NRG3: variants seen among roughly 807,000 people sequenced by gnomAD.
NRG3 encodes pro-neuregulin-3, membrane-bound isoform.
NRG3 carries 31 observed loss-of-function variants against 66.9 expected under a neutral mutation model. That is an observed-to-expected ratio of 0.46 (90% confidence interval 0.35 to 0.63). NRG3 has a LOEUF of 0.63. Among genes scored for constraint, NRG3 ranks in the 20% least tolerant of loss-of-function variants. NRG3 has a pLI of 0.00. For missense variants in NRG3, 910 were observed against 878.9 expected, an observed-to-expected ratio of 1.04 and a Z score of -0.45; for synonymous variants, 393 against 359.4, an observed-to-expected ratio of 1.09 and a Z score of -1.06.
At chr10:82,749,349 G>T (rs2058767568) in intron 3 of NRG3, among the ~76,000 whole-genome samples, 1 of 152,064 alleles carries the variant, frequency 6.6e-6, no homozygotes, top group Non-Finnish European at 1.5e-5. Flanking sequence ...TGAGGTTGGT[G>T]TAAGACAGGT....
At chr10:82,922,140 A>G (rs1474702903) in intron 4 of NRG3, among the ~76,000 whole-genome samples, 1 of 151,956 alleles carries the variant, frequency 6.6e-6, no homozygotes, top group Non-Finnish European at 1.5e-5. Flanking sequence ...GGGGAAGAGA[A>G]CCGGAAGAGG....
chr10:82,841,659 C>A (rs2063061948), intron 3 of NRG3, among the ~76,000 whole-genome samples: 1 of 152,088 alleles, frequency 6.6e-6, no homozygotes, highest in Admixed American at 6.6e-5. Context: ...TAGGATGAGG[C>A]CCTCACAAAC....
rs750212569 is a variant in NRG3, at chr10:81,876,119, C to T, written c.779C>T (p.Ser260Phe). Residue 260 changes from serine (S) to phenylalanine (F), a missense_variant, in exon 1 of 9, where the codon TCC (serine) becomes TTC (phenylalanine). Coordinates refer to ENST00000372141, the MANE Select transcript of NRG3 (RefSeq NM_001010848.4). Reference protein sequence around the residue: ...AASSSSSSSSSATTTTPETST... With the variant: ...AASSSSSSSSFATTTTPETST... ...TCCTCTTCTTCCTCTTCTTCCTCCT[C>T]CGCTACCACCACCACACCAGAAACT... The T allele has an allele frequency of 7.5e-6, 12 of 1,607,136 alleles. No individual in the cohort carries two copies. In the South Asian group the frequency reaches 8.9e-5, roughly 12 times the overall value.
intron 2 of NRG3, among the ~76,000 whole-genome samples, chr10:82,459,658 C>T (rs890114557): frequency 6.6e-6 from 1 of 152,152 alleles, no homozygotes; most frequent in Non-Finnish European, 1.5e-5. Context: ...GTGCTCCTCC[C>T]GTCTGAGCCC....
intron 1 of NRG3, among the ~76,000 whole-genome samples, chr10:81,939,048 T>A (rs964389965): frequency 1.3e-5 from 2 of 152,070 alleles, no homozygotes; most frequent in African/African-American, 4.8e-5. Flanking sequence ...TTTACTAATG[T>A]AGCATATCCC....
chr10:82,122,832 A>G (rs1490883807), intron 1 of NRG3, among the ~76,000 whole-genome samples: 3 of 152,054 alleles, frequency 2.0e-5, no homozygotes, highest in African/African-American at 7.2e-5. Flanking sequence ...GATACAAGCT[A>G]ATATTTCTGG....
chr10:82,204,491 T>C (rs2075015892), intron 1 of NRG3, among the ~76,000 whole-genome samples: 1 of 152,162 alleles, frequency 6.6e-6, no homozygotes, highest in Non-Finnish European at 1.5e-5. Context: ...TTAGCTGCAG[T>C]GTTTATTTCT....
At chr10:82,569,256 C>A (rs778703134) in intron 2 of NRG3, among the ~76,000 whole-genome samples, 4 of 151,626 alleles carry the variant, frequency 2.6e-5, no homozygotes, top group Non-Finnish European at 4.4e-5. Flanking sequence ...GTGGTGGCAT[C>A]AGCCTAATGT....
chr10:82,933,292 G>A (rs146230920), intron 4 of NRG3, among the ~76,000 whole-genome samples: 1 of 152,094 alleles, frequency 6.6e-6, no homozygotes, highest in East Asian at 1.9e-4. Flanking sequence ...GTAAGCATGT[G>A]GCATAAGCTG....
chr10:82,185,469 C>T (rs1408579057), intron 1 of NRG3, among the ~76,000 whole-genome samples: 1 of 152,068 alleles, frequency 6.6e-6, no homozygotes, highest in African/African-American at 2.4e-5. Context: ...TATTTAATCT[C>T]CCCAGAGGGT....
chr10:82,059,647 A>G (rs1336760746), intron 1 of NRG3, among the ~76,000 whole-genome samples: 1 of 152,098 alleles, frequency 6.6e-6, no homozygotes, highest in East Asian at 1.9e-4. Context: ...AATTCAAATC[A>G]TTCTTACTTA....
chr10:82,649,132 G>A (rs1286035255), intron 2 of NRG3, among the ~76,000 whole-genome samples: 3 of 152,214 alleles, frequency 2.0e-5, no homozygotes, highest in South Asian at 2.1e-4. Flanking sequence ...AGGGCAATTA[G>A]GCAGGTGAAG....
chr10:81,880,409 A>G (rs1842076393), intron 1 of NRG3, among the ~76,000 whole-genome samples: 1 of 152,168 alleles, frequency 6.6e-6, no homozygotes, highest in Non-Finnish European at 1.5e-5. Context: ...AAAAAAACAA[A>G]AAAAAACCCA....
chr10:82,075,519 G>C (rs1249151821), intron 1 of NRG3, among the ~76,000 whole-genome samples: 1 of 152,070 alleles, frequency 6.6e-6, no homozygotes, highest in African/African-American at 2.4e-5. Flanking sequence ...TTCTCCAAAG[G>C]GTTGATTTTT....
Position 82,497,114 on chromosome 10 carries a change from A to G in NRG3, c.953+138246A>G, listed in dbSNP as rs545343502. ...ACTCTGTTGAGTATATATCCTATTC[A>G]AAAAACTGAGTTTTTTGTGGGGCAA... is the stretch of plus-strand genomic sequence containing the variant. On this transcript the variant is annotated intron_variant, in intron 2 of 8. Coordinates refer to ENST00000372141, the MANE Select transcript of NRG3 (RefSeq NM_001010848.4). 1.5e-3 allele frequency among the ~76,000 whole-genome samples: 226 copies of G among 152,272 alleles called. 1 individual carries two copies. Among genetic ancestry groups the G allele is most frequent in the African/African-American group, 5.1e-3 (214 of 41,568 alleles).
chr10:82,406,895 G>A (rs2087560705), intron 2 of NRG3, among the ~76,000 whole-genome samples: 1 of 151,756 alleles, frequency 6.6e-6, no homozygotes, highest in African/African-American at 2.4e-5. Context: ...TTATTTTTAG[G>A]GACCTTTCAT....
At chr10:82,137,937 G>A (rs1464857777) in intron 1 of NRG3, among the ~76,000 whole-genome samples, 1 of 152,074 alleles carries the variant, frequency 6.6e-6, no homozygotes, top group Non-Finnish European at 1.5e-5. Flanking sequence ...TCCTTAACTT[G>A]GGTAAGTCCG....
At chr10:82,551,665 C>T (rs549699035) in intron 2 of NRG3, among the ~76,000 whole-genome samples, 1 of 151,364 alleles carries the variant, frequency 6.6e-6, no homozygotes, top group East Asian at 1.9e-4. Context: ...GCTTAATGAA[C>T]TGTTTCAAGT....
intron 1 of NRG3, among the ~76,000 whole-genome samples, chr10:82,233,482 AAT>A (rs1437429864): frequency 6.6e-5 from 10 of 152,210 alleles, no homozygotes; most frequent in Admixed American, 3.3e-4. Context: ...AGAAAATTTA[AAT>A]ATACATTTAT....
Sources: gnomAD v4.1 joint callset for allele counts (sites outside exome capture counted in the v4.1 genomes callset) on GRCh38, gnomAD v4.1.1 for gene constraint, MANE v1.5 for transcripts, NCBI Gene and HGNC (gene_info 2026-07-23, HGNC 2026-07-21) for gene names.